Variants in HBS1L observed in about 807,000 individuals in gnomAD.
The protein encoded by HBS1L is HBS1-like protein.
A neutral mutation model predicts 88.9 loss-of-function variants in HBS1L; 55 were observed. The observed-to-expected ratio is 0.62, with a 90% confidence interval of 0.50 to 0.77. The LOEUF (loss-of-function observed/expected upper bound fraction) is 0.77, where lower values mean the gene tolerates loss of function less well. Among genes scored for constraint, HBS1L ranks in the 30% least tolerant of loss-of-function variants. HBS1L has a pLI of 0.00. For synonymous variants in HBS1L, 267 were observed against 288.5 expected (o/e 0.93, Z 0.76); for missense variants, 741 against 829.3 (o/e 0.89, Z 1.31).
At position 134,979,273 on chromosome 6, in the gene HBS1L, A is replaced by G; in HGVS notation, c.1598-5T>C. On this transcript the variant is annotated splice_polypyrimidine_tract_variant and splice_region_variant and intron_variant, in intron 13 of 17. Transcript: ENST00000367837. ...GTTCATCATGCAGAGTGATTCCTGG[A>G]AATGAGTAAGAACCAAAGCATACAG... is the stretch of plus-strand genomic sequence containing the variant. The G allele has an allele frequency of 3.4e-5, 54 of 1,608,540 alleles. No homozygotes were observed. The highest frequency in any genetic ancestry group is 4.5e-5 in the Non-Finnish European group (53 of 1,175,564).
chr6:135,050,627 A>T lies in HBS1L; in HGVS notation c.64T>A (p.Tyr22Asn). 1 of 1,592,114 alleles carries T rather than the reference A, an allele frequency of 6.3e-7. No homozygotes were observed. Among genetic ancestry groups the T allele is most frequent in the Non-Finnish European group, 8.6e-7 (1 of 1,167,254 alleles). Residue 22 changes from tyrosine (Y) to asparagine (N), a missense_variant, in exon 2 of 18, where the codon TAC (tyrosine) becomes AAC (asparagine). Tyr to Asn is a moderately radical substitution (Grantham distance 143). This residue lies in a region of HBS1L where 556 missense variants were observed against 598.4 expected (regional missense o/e 0.93). Coordinates refer to ENST00000367837, the MANE Select transcript of HBS1L (RefSeq NM_006620.4). ...TAATCATCCTCTACAGACTGGCCGT[A>T]GAGATCATCATCTTCAAAATCTAAA... is the stretch of plus-strand genomic sequence containing the variant. The part of the protein sequence containing the change: ...YDEDFEDDDL[Y>N]GQSVEDDYCI...
chr6:134,984,296 T>A (rs1015639485), intron 12 of HBS1L, among the ~76,000 whole-genome samples: 10 of 152,186 alleles, frequency 6.6e-5, no homozygotes, highest in African/African-American at 2.4e-4. Flanking sequence ...CATTCATTCA[T>A]TTTTTTATTC....
chr6:135,032,063 A>G (rs1304630474), intron 4 of HBS1L, among the ~76,000 whole-genome samples: 1 of 151,942 alleles, frequency 6.6e-6, no homozygotes, highest in Non-Finnish European at 1.5e-5. Context: ...TGTGAGTCCT[A>G]AAAAGTAAAA....
chr6:135,041,919 T>TA, intron 3 of HBS1L, 82 bp downstream of exon 3: 6 of 1,250,490 alleles, frequency 4.8e-6, no homozygotes, highest in Non-Finnish European at 6.9e-6. Flanking sequence ...GTCACTGTTA[T>TA]AAACACAATA....
chr6:134,967,586 T>C (rs1268675510), intron 16 of HBS1L, among the ~76,000 whole-genome samples: 2 of 152,144 alleles, frequency 1.3e-5, no homozygotes, highest in Non-Finnish European at 2.9e-5. Context: ...CACGAGAATA[T>C]GTTAAACTCT....
intron 4 of HBS1L, among the ~76,000 whole-genome samples, chr6:135,006,408 G>C (rs1389861221): frequency 4.6e-5 from 7 of 152,170 alleles, no homozygotes; most frequent in Admixed American, 4.6e-4. Context: ...ATCATGAAGA[G>C]CTTAGAGGGA....
chr6:135,019,983 T>C (rs911781482), intron 4 of HBS1L, among the ~76,000 whole-genome samples: 1 of 151,846 alleles, frequency 6.6e-6, no homozygotes, highest in Non-Finnish European at 1.5e-5. Flanking sequence ...AAATGAAAAA[T>C]ATAATAGGCC....
intron 4 of HBS1L, among the ~76,000 whole-genome samples, chr6:135,019,383 T>C (rs1194519090): frequency 6.6e-6 from 1 of 151,466 alleles, no homozygotes; most frequent in African/African-American, 2.4e-5. Flanking sequence ...TGAGCTGAAA[T>C]AAGGAAAAAA....
chr6:135,037,981 C>G (rs1439423678), intron 4 of HBS1L: 1 of 1,532,844 alleles, frequency 6.5e-7, no homozygotes, highest in Non-Finnish European at 8.8e-7. Flanking sequence ...AGGATAAGAA[C>G]TTTGAACATT....
At chr6:135,003,523 C>G (rs568651966) in intron 4 of HBS1L, among the ~76,000 whole-genome samples, 53 of 149,976 alleles carry the variant, frequency 3.5e-4, no homozygotes, top group African/African-American at 1.3e-3. Context: ...GCTATGATAA[C>G]GCCACTGCAC....
intron 5 of HBS1L, among the ~76,000 whole-genome samples, chr6:135,002,239 A>G (rs6569987): frequency 0.9 from 137,632 of 152,202 alleles, 62,504 homozygotes; most frequent in East Asian, 1. Flanking sequence ...GAAATTCTAC[A>G]TATGTTTCAT....
chr6:134,977,107 G>C (rs1362569955), intron 15 of HBS1L, among the ~76,000 whole-genome samples: 5 of 151,742 alleles, frequency 3.3e-5, no homozygotes, highest in African/African-American at 1.2e-4. Flanking sequence ...TTCTCCCATA[G>C]GGAGTAGACT....
At chr6:134,980,947 G>A (rs1774812389) in intron 13 of HBS1L, among the ~76,000 whole-genome samples, 1 of 151,790 alleles carries the variant, frequency 6.6e-6, no homozygotes, top group South Asian at 2.1e-4. Context: ...CCTCTCTGTT[G>A]AGTTAAAAGA....
rs1292498580 is a variant in HBS1L at position 134,961,971 on chromosome 6, C to G, written c.*3308G>C. ...CCAATCTTAAAGTTTTGAATTATCT[C>G]TTTATGATACCCTGTCCCCTGGTTG... On this transcript the variant is annotated 3_prime_UTR_variant, in exon 18 of 18. Transcript: ENST00000367837. The G allele has an allele frequency of 6.6e-6, 1 of 152,166 alleles. No individual in the cohort carries two copies. The highest frequency in any genetic ancestry group is 2.4e-5 in the African/African-American group (1 of 41,436). The allele number at this position is 152,166 out of a possible 1,614,324, so 9.4% of individuals were successfully genotyped here.
intron 16 of HBS1L, among the ~76,000 whole-genome samples, chr6:134,967,313 A>G (rs1344212356): frequency 2.0e-5 from 3 of 152,186 alleles, no homozygotes; most frequent in African/African-American, 7.2e-5. Context: ...GGGGCAGACG[A>G]CTAAAAGAAG....
In HBS1L at chr6:134,964,822, G is replaced by GAAGAAAAA. The variant is rs1774263002; in HGVS notation, c.*456_*457insTTTTTCTT. On this transcript the variant is annotated 3_prime_UTR_variant, in exon 18 of 18. Coordinates refer to ENST00000367837, the MANE Select transcript of HBS1L (RefSeq NM_006620.4). Reference sequence around the variant, plus strand: ...CCAAATCTTTTCTTAGCATTAACTGGAAAAAAAAAAAAAAAAAAAGCTTAG... The same window carrying GAAGAAAAA: ...CCAAATCTTTTCTTAGCATTAACTGGAAGAAAAAAAAAAAAAAAAAAAAAAAAGCTTAG... 1 of 84,380 alleles carries GAAGAAAAA rather than the reference G, an allele frequency of 1.2e-5. No homozygotes were observed. Among genetic ancestry groups the GAAGAAAAA allele is most frequent in the Non-Finnish European group, 2.4e-5 (1 of 42,460 alleles). 5.2% of individuals were successfully genotyped at this position (84,380 alleles called of 1,614,324 possible).
chr6:135,032,252 T>C (rs959625816), intron 4 of HBS1L, among the ~76,000 whole-genome samples: 1 of 151,084 alleles, frequency 6.6e-6, no homozygotes, highest in Non-Finnish European at 1.5e-5. Flanking sequence ...AAAATCCTAA[T>C]GGATAGATTG....
chr6:134,967,525 T>C (rs12664898), intron 16 of HBS1L, among the ~76,000 whole-genome samples: 47,485 of 151,986 alleles, frequency 0.31, 7,842 homozygotes, highest in Non-Finnish European at 0.37. Flanking sequence ...GGCCAAACGG[T>C]TGTGCAAAAT....
intron 4 of HBS1L, among the ~76,000 whole-genome samples, chr6:135,007,217 G>A (rs899303978): frequency 3.3e-5 from 5 of 152,158 alleles, no homozygotes; most frequent in South Asian, 2.1e-4. Flanking sequence ...TCAAACTCAC[G>A]ATGTAACATT....
Sources: allele counts gnomAD v4.1 joint callset (sites outside exome capture counted in the v4.1 genomes callset), GRCh38; gene constraint gnomAD v4.1.1; regional missense constraint gnomAD v4.1.1; transcripts MANE v1.5; gene names NCBI Gene and HGNC (gene_info 2026-07-23, HGNC 2026-07-21).